The following CPNE8 variants were observed in gnomAD, a reference collection of about 807,000 sequenced individuals.
CPNE8 encodes copine 8.
Under a neutral mutation model 81.5 loss-of-function variants are expected in CPNE8, and 45 were observed. That is an observed-to-expected ratio of 0.55 (90% CI 0.44 to 0.71). The LOEUF (loss-of-function observed/expected upper bound fraction) is 0.71, where lower values mean the gene tolerates loss of function less well. CPNE8 is among the 30% of genes least tolerant of loss of function. CPNE8 has a pLI of 0.00. For missense variants in CPNE8, 594 were observed against 672.1 expected (o/e 0.88, Z 1.28); for synonymous variants, 252 against 226.3 (o/e 1.11, Z -1.02).
chr12:38,716,855 C>T (rs1367542397), intron 13 of CPNE8, among the ~76,000 whole-genome samples: 2 of 152,032 alleles, frequency 1.3e-5, no homozygotes, highest in Non-Finnish European at 2.9e-5. Flanking sequence ...AACAGACAAC[C>T]CACACAGTGG....
rs1243961594 is a variant in CPNE8, at chr12:38,850,992, T to C, written c.187-2330A>G. 7.9e-5 allele frequency among the ~76,000 whole-genome samples: 12 copies of C among 152,210 alleles called. No individual in the cohort carries two copies. In the East Asian group the frequency reaches 2.3e-3, roughly 29 times the overall value. ...TTTCTCATGAATGGCAGGAAGGCCC[T>C]TATGAAAGAGGCTTCATACAGCATT... is the stretch of plus-strand genomic sequence containing the variant. On this transcript the variant is annotated intron_variant, in intron 3 of 19. Transcript: ENST00000331366.
intron 6 of CPNE8, among the ~76,000 whole-genome samples, chr12:38,821,183 T>C (rs939362612): frequency 1.3e-5 from 2 of 152,206 alleles, no homozygotes; most frequent in African/African-American, 4.8e-5. Flanking sequence ...CTAATTTTCA[T>C]AGGGCCTGTA....
chr12:38,797,463 C>A (rs553265835), intron 6 of CPNE8, among the ~76,000 whole-genome samples: 1 of 152,192 alleles, frequency 6.6e-6, no homozygotes, highest in Non-Finnish European at 1.5e-5. Flanking sequence ...CTCCAGCAAA[C>A]TCCAACAGAC....
At chr12:38,673,283 T>A (rs951402511) in intron 18 of CPNE8, among the ~76,000 whole-genome samples, 1 of 152,164 alleles carries the variant, frequency 6.6e-6, no homozygotes, top group Non-Finnish European at 1.5e-5. Context: ...CTTTATAAAT[T>A]ACCCAGTCTC....
intron 13 of CPNE8, among the ~76,000 whole-genome samples, chr12:38,707,276 T>C (rs1386743823): frequency 6.6e-6 from 1 of 152,160 alleles, no homozygotes; most frequent in African/African-American, 2.4e-5. Flanking sequence ...CTTGCACTGC[T>C]GCACTCCAGC....
intron 4 of CPNE8, among the ~76,000 whole-genome samples, chr12:38,840,551 T>G (rs1043289232): frequency 2.6e-5 from 4 of 152,194 alleles, no homozygotes; most frequent in African/African-American, 9.6e-5. Flanking sequence ...AAATAAAATA[T>G]TTTTAAAAAT....
chr12:38,784,469 T>C (rs1942129560), intron 6 of CPNE8, among the ~76,000 whole-genome samples: 1 of 152,082 alleles, frequency 6.6e-6, no homozygotes, highest in South Asian at 2.1e-4. Context: ...AAAGAGATAA[T>C]AACTGAGAAC....
chr12:38,727,997 A>G (rs1357487799), intron 11 of CPNE8, among the ~76,000 whole-genome samples: 1 of 152,202 alleles, frequency 6.6e-6, no homozygotes, highest in Non-Finnish European at 1.5e-5. Context: ...GGAGCTAACC[A>G]AGCAAAGACT....
intron 19 of CPNE8, among the ~76,000 whole-genome samples, chr12:38,655,156 T>G (rs758756544): frequency 3.3e-5 from 5 of 152,186 alleles, no homozygotes; most frequent in Admixed American, 6.5e-5. Context: ...TTTGTGGTTT[T>G]TCAATGGCAA....
At chr12:38,725,975 A>T (rs1217032927) in intron 11 of CPNE8, among the ~76,000 whole-genome samples, 1 of 152,146 alleles carries the variant, frequency 6.6e-6, no homozygotes, top group Non-Finnish European at 1.5e-5. Flanking sequence ...TTTCGGGATG[A>T]TACTGTTCTA....
chr12:38,679,578 A>G, intron 16 of CPNE8: 1 of 985,030 alleles, frequency 1.0e-6, no homozygotes, highest in Non-Finnish European at 1.2e-6. Context: ...AATCAATTAC[A>G]TTTTACTTTT....
rs550449315 is a variant in CPNE8, at chr12:38,743,882, A to G, written c.723-13524T>C. Among the ~76,000 whole-genome samples, 4 of 152,284 alleles carry G rather than the reference A, an allele frequency of 2.6e-5. No homozygotes were observed. In the South Asian group the frequency reaches 8.3e-4, roughly 32 times the overall value. ...AAGCAGCACTGAAATGTATCTGAGT[A>G]TTTATCAAAGCTGAATTTTTATTGG... On this transcript the variant is annotated intron_variant, in intron 10 of 19. Transcript: ENST00000331366.
chr12:38,728,476 T>C (rs1940755896), intron 11 of CPNE8, among the ~76,000 whole-genome samples: 1 of 151,984 alleles, frequency 6.6e-6, no homozygotes, highest in Non-Finnish European at 1.5e-5. Context: ...CGACGGAACA[T>C]TTGAGCTGGC....
chr12:38,785,110 G>A (rs181019218), intron 6 of CPNE8, among the ~76,000 whole-genome samples: 9 of 151,372 alleles, frequency 5.9e-5, no homozygotes, highest in East Asian at 5.9e-4. Flanking sequence ...CAAGATAATC[G>A]CTTGAACCCA....
chr12:38,756,869 G>C (rs1394804052), intron 10 of CPNE8, among the ~76,000 whole-genome samples: 1 of 152,118 alleles, frequency 6.6e-6, no homozygotes, highest in Non-Finnish European at 1.5e-5. Context: ...ATTGAGATGT[G>C]CTGTAAACAT....
chr12:38,872,568 T>C (rs1431495344), intron 3 of CPNE8, among the ~76,000 whole-genome samples: 1 of 152,240 alleles, frequency 6.6e-6, no homozygotes, highest in Non-Finnish European at 1.5e-5. Flanking sequence ...ACATTTGTAT[T>C]AAGAAGCTGA....
intron 13 of CPNE8, among the ~76,000 whole-genome samples, chr12:38,707,713 A>C (rs1940145960): frequency 6.6e-6 from 1 of 152,236 alleles, no homozygotes; most frequent in Non-Finnish European, 1.5e-5. Flanking sequence ...TCTGCATGTC[A>C]GGAAGAATCT....
rs1219717644 is a variant in CPNE8, at chr12:38,702,872, C to T, written c.961+3G>A. On this transcript the variant is annotated splice_donor_region_variant and intron_variant, in intron 14 of 19. Transcript: ENST00000331366. The stretch of plus-strand genomic sequence containing the variant: ...TTTATCAGGGGATAATCAAAACACT[C>T]ACCGTTTGATGCTGTAAAATCAATA... 2 of 1,534,856 alleles carry T rather than the reference C, an allele frequency of 1.3e-6. No individual in the cohort carries two copies. The highest frequency in any genetic ancestry group is 1.8e-6 in the Non-Finnish European group (2 of 1,133,784).
intron 10 of CPNE8, among the ~76,000 whole-genome samples, chr12:38,754,804 A>AT (rs531213239): frequency 1.3e-5 from 2 of 152,114 alleles, no homozygotes; most frequent in Admixed American, 1.3e-4. Context: ...ATTTATCAAC[A>AT]TTTTAAGTCT....
Sources: allele counts gnomAD v4.1 joint callset (sites outside exome capture counted in the v4.1 genomes callset), GRCh38; gene constraint gnomAD v4.1.1; transcripts MANE v1.5; gene names NCBI Gene and HGNC (gene_info 2026-07-23, HGNC 2026-07-21).